Variants in TFCP2L1 observed in about 807,000 individuals in gnomAD.
TFCP2L1 encodes the protein transcription factor CP2-like protein 1.
A neutral mutation model predicts 72.2 loss-of-function variants in TFCP2L1; 12 were observed. That is an observed-to-expected ratio of 0.17 (90% CI 0.11 to 0.27). TFCP2L1 has a LOEUF of 0.27. Among genes scored for constraint, TFCP2L1 ranks in the 10% least tolerant of loss-of-function variants. TFCP2L1 has a pLI of 1.00. For missense variants in TFCP2L1, 488 were observed against 624.6 expected (o/e 0.78, Z 2.33); for synonymous variants, 260 against 251.0 (o/e 1.04, Z -0.34).
intron 1 of TFCP2L1, among the ~76,000 whole-genome samples, chr2:121,283,525 C>A (rs1050373854): frequency 6.6e-6 from 1 of 152,178 alleles, no homozygotes; most frequent in Non-Finnish European, 1.5e-5. Context: ...CCACTCCCAA[C>A]GCTCACCCTC....
rs975994715 is a variant in TFCP2L1, at chr2:121,218,974, G to A, written c.*5367C>T. On this transcript the variant is annotated 3_prime_UTR_variant, in exon 15 of 15. Transcript: ENST00000263707. ...CTGGCCCTCAAGCCCTGTCCCTAAG[G>A]GGCGATGGGAAGGAGGTGGCAATCA... is the stretch of plus-strand genomic sequence containing the variant. 3 of 152,358 alleles carry A rather than the reference G, an allele frequency of 2.0e-5. No homozygotes were observed. Among genetic ancestry groups the A allele is most frequent in the Non-Finnish European group, 4.4e-5 (3 of 68,160 alleles). The allele number at this position is 152,358 out of a possible 1,614,324, so 9.4% of individuals were successfully genotyped here.
intron 7 of TFCP2L1, 144 bp downstream of exon 7, chr2:121,242,215 C>T: frequency 3.0e-6 from 2 of 672,070 alleles, no homozygotes; most frequent in Non-Finnish European, 5.2e-6. Context: ...AACACGAGCT[C>T]CAGACACTGG....
At chr2:121,247,931 G>A (rs759976774) in intron 5 of TFCP2L1, among the ~76,000 whole-genome samples, 3 of 152,052 alleles carry the variant, frequency 2.0e-5, no homozygotes, top group Non-Finnish European at 4.4e-5. Context: ...TATATTCTAC[G>A]GGCAAAACCC....
chr2:121,265,041 A>T (rs912047826), intron 2 of TFCP2L1, among the ~76,000 whole-genome samples: 3 of 152,182 alleles, frequency 2.0e-5, no homozygotes, highest in African/African-American at 7.2e-5. Flanking sequence ...TCACAACAGC[A>T]TTATTCACAA....
At chr2:121,280,036 C>T (rs1687223986) in intron 2 of TFCP2L1, among the ~76,000 whole-genome samples, 1 of 152,176 alleles carries the variant, frequency 6.6e-6, no homozygotes, top group Non-Finnish European at 1.5e-5. Context: ...GATAGAACCA[C>T]AAAAACACCA....
At chr2:121,235,695 C>T (rs1179275002) in intron 10 of TFCP2L1, among the ~76,000 whole-genome samples, 2 of 150,434 alleles carry the variant, frequency 1.3e-5, no homozygotes, top group African/African-American at 4.9e-5. Flanking sequence ...ACTGGGATTA[C>T]AGACATGAGT....
intron 2 of TFCP2L1, among the ~76,000 whole-genome samples, chr2:121,267,290 A>G (rs1163515818): frequency 6.6e-6 from 1 of 152,152 alleles, no homozygotes; most frequent in Non-Finnish European, 1.5e-5. Flanking sequence ...GGCTGAAGGC[A>G]TCCTCCTATC....
intron 11 of TFCP2L1, among the ~76,000 whole-genome samples, chr2:121,234,521 G>A (rs1160460098): frequency 6.6e-6 from 1 of 152,212 alleles, no homozygotes; most frequent in Non-Finnish European, 1.5e-5. Flanking sequence ...TTGCAAGGGA[G>A]CTAGGACTAT....
At chr2:121,257,080 G>A (rs1283732953) in intron 2 of TFCP2L1, among the ~76,000 whole-genome samples, 1 of 152,160 alleles carries the variant, frequency 6.6e-6, no homozygotes, top group African/African-American at 2.4e-5. Context: ...ACACTGTCAG[G>A]CTGTTAAAGG....
chr2:121,264,838 A>G (rs529982667), intron 2 of TFCP2L1, among the ~76,000 whole-genome samples: 39 of 152,276 alleles, frequency 2.6e-4, no homozygotes, highest in Non-Finnish European at 4.3e-4. Flanking sequence ...ATAAATAACA[A>G]CAAATAACAA....
At chr2:121,232,386 G>T (rs145959384) in intron 12 of TFCP2L1, among the ~76,000 whole-genome samples, 44 of 152,152 alleles carry the variant, frequency 2.9e-4, no homozygotes, top group African/African-American at 1.0e-3. Context: ...TGATCCGCTC[G>T]CCTCAGCCTC....
chr2:121,269,560 C>T (rs373298017), intron 2 of TFCP2L1, among the ~76,000 whole-genome samples: 2 of 152,106 alleles, frequency 1.3e-5, no homozygotes, highest in African/African-American at 2.4e-5. Flanking sequence ...CAACAGTTGT[C>T]GACCACGCTG....
intron 2 of TFCP2L1, among the ~76,000 whole-genome samples, 172 bp downstream of exon 2, chr2:121,280,947 AG>A (rs1277112334): frequency 1.3e-5 from 2 of 151,880 alleles, no homozygotes; most frequent in Non-Finnish European, 2.9e-5. Flanking sequence ...CTGAGGCTGG[AG>A]GGGGTCACAC....
chr2:121,242,435 C>T lies in TFCP2L1; in HGVS notation c.692G>A (p.Arg231Gln), dbSNP rs376318030. 27 of 1,614,118 alleles carry T rather than the reference C, an allele frequency of 1.7e-5. No individual in the cohort carries two copies. Among genetic ancestry groups the T allele is most frequent in the South Asian group, 1.6e-4 (15 of 91,072 alleles). Residue 231 changes from arginine (R) to glutamine (Q), a missense_variant, in exon 7 of 15, where the codon CGG becomes CAG. By Grantham distance (43) the Arg-to-Gln change is conservative. Coordinates refer to ENST00000263707, the MANE Select transcript of TFCP2L1 (RefSeq NM_014553.3). Reference protein sequence around the residue: ...KGADRKQKTDREKMEKRTAQE... With the variant: ...KGADRKQKTDQEKMEKRTAQE... ...GGCAGTTCTTTTCTCCATCTTCTCC[C>T]GGTCAGTCTTCTGTTTCCGATCGGC... is the stretch of plus-strand genomic sequence containing the variant.
intron 5 of TFCP2L1, 41 bp downstream of exon 5, chr2:121,248,123 G>A (rs999766): frequency 0.02 from 31,218 of 1,583,824 alleles, 1,200 homozygotes; most frequent in East Asian, 0.15. Flanking sequence ...CCACCCCAAA[G>A]ACTAGGTCTT....
rs540220561 is a variant in TFCP2L1 at position 121,248,871 on chromosome 2, G to C, written c.397+111C>G. The C allele has an allele frequency of 3.8e-6, 3 of 792,350 alleles. No individual in the cohort carries two copies. The East Asian group carries it at 8.9e-5, about 24-fold the overall frequency. 49.1% of individuals were successfully genotyped at this position (792,350 alleles called of 1,614,324 possible). ...CTCCCGCGGGGTTTTACACAGAGCA[G>C]GTGCAAGCTAAAACGCCTTCTCGGC... On this transcript the variant is annotated intron_variant, in intron 4 of 14. Coordinates refer to ENST00000263707, the MANE Select transcript of TFCP2L1 (RefSeq NM_014553.3).
chr2:121,240,892 C>G (rs772442209), intron 7 of TFCP2L1, among the ~76,000 whole-genome samples: 40 of 152,176 alleles, frequency 2.6e-4, no homozygotes, highest in Admixed American at 2.0e-3. Context: ...ATCTATCTGA[C>G]CACAAAATTA....
intron 2 of TFCP2L1, among the ~76,000 whole-genome samples, chr2:121,250,418 A>T (rs1389164921): frequency 6.6e-6 from 1 of 151,518 alleles, no homozygotes; most frequent in African/African-American, 2.4e-5. Context: ...TCAAATGATG[A>T]TATCTCAAAT....
intron 2 of TFCP2L1, among the ~76,000 whole-genome samples, chr2:121,255,862 G>C (rs1686706853): frequency 6.6e-6 from 1 of 151,996 alleles, no homozygotes; most frequent in East Asian, 1.9e-4. Flanking sequence ...CCTGCCTCAG[G>C]CTCCCGAGTA....
Sources: gnomAD v4.1 joint callset for allele counts (sites outside exome capture counted in the v4.1 genomes callset) on GRCh38, gnomAD v4.1.1 for gene constraint, MANE v1.5 for transcripts, NCBI Gene and HGNC (gene_info 2026-07-23, HGNC 2026-07-21) for gene names.